The following TENM2 variants were observed in gnomAD, a reference collection of about 807,000 sequenced individuals.
TENM2 encodes teneurin transmembrane protein 2.
In TENM2, 52 loss-of-function variants were observed where a neutral mutation model predicts 245.2. The ratio of observed to expected loss-of-function variants is 0.21; its 90% CI spans 0.17 to 0.27. The LOEUF is 0.27. TENM2 is among the 10% of genes least tolerant of loss of function. The probability of loss-of-function intolerance (pLI) is 1.00; values close to 1 mark genes in which losing one functional copy is unlikely to be tolerated. For missense variants in TENM2, 3,046 were observed against 3,666.8 expected (o/e 0.83, Z 4.37); for synonymous variants, 1,363 against 1,438.9 (o/e 0.95, Z 1.19).
intron 6 of TENM2, among the ~76,000 whole-genome samples, 171 bp downstream of exon 8, chr5:168,047,720 T>A (rs866914381): frequency 6.6e-6 from 1 of 152,214 alleles, no homozygotes; most frequent in South Asian, 2.1e-4. Context: ...TGTTTGCTGT[T>A]CCTGTCTGTT....
At chr5:167,261,372 T>G in the TENM2 span, among the ~76,000 whole-genome samples, 1 of 152,188 alleles carries the variant, frequency 6.6e-6, no homozygotes, top group Non-Finnish European at 1.5e-5. Flanking sequence ...GGGAGAATAG[T>G]CATTGTTACT....
the TENM2 span, among the ~76,000 whole-genome samples, chr5:167,051,407 C>G: frequency 2.7e-5 from 4 of 146,748 alleles, no homozygotes; most frequent in African/African-American, 1.1e-4. Flanking sequence ...GTGATTTTAT[C>G]GTTTGGAGCA....
intron 7 of TENM2, among the ~76,000 whole-genome samples, chr5:168,073,558 G>A (rs557513182): frequency 2.0e-5 from 3 of 152,174 alleles, no homozygotes; most frequent in African/African-American, 7.2e-5. Context: ...AGTGACCTAG[G>A]GGGGCAGCCC....
chr5:168,104,611 G>A (rs534015580), intron 9 of TENM2, among the ~76,000 whole-genome samples: 4 of 152,274 alleles, frequency 2.6e-5, no homozygotes, highest in Non-Finnish European at 4.4e-5. Context: ...TGCGCCTCCC[G>A]TGCCCTCAGA....
intron 4 of TENM2, among the ~76,000 whole-genome samples, chr5:167,962,571 C>A (rs10069922): frequency 0.023 from 3,528 of 152,264 alleles, 94 homozygotes; most frequent in African/African-American, 0.064. Context: ...CTAATAAAGA[C>A]ATACCCGAGA....
chr5:168,115,207 C>T (rs1484653972), intron 9 of TENM2, among the ~76,000 whole-genome samples: 3 of 151,672 alleles, frequency 2.0e-5, no homozygotes, highest in Non-Finnish European at 4.4e-5. Context: ...GCAGGAGAAT[C>T]GCTTGAACCC....
the TENM2 span, among the ~76,000 whole-genome samples, chr5:167,067,612 G>A: frequency 1.3e-5 from 2 of 152,132 alleles, no homozygotes; most frequent in Admixed American, 1.3e-4. Context: ...GAAAACCAAG[G>A]TGTGCTATTT....
intron 4 of TENM2, among the ~76,000 whole-genome samples, chr5:167,953,794 G>T (rs1423471851): frequency 6.6e-6 from 1 of 152,154 alleles, no homozygotes; most frequent in Non-Finnish European, 1.5e-5. Flanking sequence ...TAATGTTTCT[G>T]ATAATGGCCA....
At chr5:167,712,334 G>A (rs1758967392) in intron 2 of TENM2, among the ~76,000 whole-genome samples, 1 of 152,066 alleles carries the variant, frequency 6.6e-6, no homozygotes, top group Admixed American at 6.6e-5. Context: ...GGATTTGGGG[G>A]AAAATTAAAA....
intron 2 of TENM2, among the ~76,000 whole-genome samples, chr5:167,641,550 C>T (rs1469759181): frequency 4.6e-5 from 7 of 152,126 alleles, no homozygotes; most frequent in Non-Finnish European, 1.0e-4. Flanking sequence ...AACAATCCTT[C>T]TGGAATTGAC....
At chr5:167,377,367 A>G (rs1191708016) in intron 2 of TENM2, among the ~76,000 whole-genome samples, 1 of 152,196 alleles carries the variant, frequency 6.6e-6, no homozygotes, top group Non-Finnish European at 1.5e-5. Context: ...AATTACATGA[A>G]GAGAAATGTA....
chr5:167,592,502 T>A (rs1775945839), intron 2 of TENM2, among the ~76,000 whole-genome samples: 1 of 152,210 alleles, frequency 6.6e-6, no homozygotes. Flanking sequence ...TGACATTTTG[T>A]CCCTTCAGCA....
intron 1 of TENM2, among the ~76,000 whole-genome samples, chr5:167,309,055 T>A (rs1483965415): frequency 1.4e-4 from 1 of 7,028 alleles, no homozygotes. Context: ...TTTGGTGGGG[T>A]GGGTGGGGGG....
intron 13 of TENM2, among the ~76,000 whole-genome samples, chr5:168,163,395 T>C (rs1324937273): frequency 6.6e-6 from 1 of 152,204 alleles, no homozygotes; most frequent in Non-Finnish European, 1.5e-5. Context: ...AAGAACAATA[T>C]TTGATAATGT....
At chr5:167,131,900 G>T in the TENM2 span, among the ~76,000 whole-genome samples, 1 of 152,134 alleles carries the variant, frequency 6.6e-6, no homozygotes, top group Non-Finnish European at 1.5e-5. Context: ...TCAGCTCACT[G>T]CAACCTCCAC....
intron 3 of TENM2, among the ~76,000 whole-genome samples, chr5:167,877,463 T>C (rs933022384): frequency 2.0e-5 from 3 of 152,246 alleles, no homozygotes; most frequent in Non-Finnish European, 4.4e-5. Flanking sequence ...ATGAAGGCCT[T>C]TAATCTACCA....
intron 3 of TENM2, among the ~76,000 whole-genome samples, chr5:167,929,073 GAAA>G (rs1561945682): frequency 2.7e-5 from 1 of 37,016 alleles, no homozygotes; most frequent in Non-Finnish European, 4.9e-5. Context: ...AAGAAAGAAA[GAAA>G]GAAAGAAAGA....
At chr5:168,227,235 C>T (rs1764280259) in intron 24 of TENM2, among the ~76,000 whole-genome samples, 1 of 152,226 alleles carries the variant, frequency 6.6e-6, no homozygotes, top group South Asian at 2.1e-4. Flanking sequence ...CTGATTGACT[C>T]GTGTAGTTTC....
At chr5:167,035,049 G>A in the TENM2 span, among the ~76,000 whole-genome samples, 1 of 152,078 alleles carries the variant, frequency 6.6e-6, no homozygotes, top group African/African-American at 2.4e-5. Context: ...TTGCATTCAG[G>A]TACCCAGCTG....
Sources: allele counts gnomAD v4.1 joint callset (sites outside exome capture counted in the v4.1 genomes callset), GRCh38; gene constraint gnomAD v4.1.1; transcripts MANE v1.5; gene names NCBI Gene and HGNC (gene_info 2026-07-23, HGNC 2026-07-21).